Variants in CDC42BPA observed in about 807,000 individuals in gnomAD.
The protein encoded by CDC42BPA is CDC42 binding protein kinase alpha, also known as serine/threonine-protein kinase MRCK alpha.
A neutral mutation model predicts 223.5 loss-of-function variants in CDC42BPA; 80 were observed. That is an observed-to-expected ratio of 0.36 (90% confidence interval 0.30 to 0.43). CDC42BPA has a LOEUF of 0.43. Among genes scored for constraint, CDC42BPA ranks in the 20% least tolerant of loss-of-function variants. The pLI, the probability that CDC42BPA is intolerant of heterozygous loss-of-function variation, is 1.00. For missense variants in CDC42BPA, 1,743 were observed against 2,099.9 expected, an observed-to-expected ratio of 0.83 and a Z score of 3.32; for synonymous variants, 694 against 718.6, an observed-to-expected ratio of 0.97 and a Z score of 0.55.
intron 1 of CDC42BPA, among the ~76,000 whole-genome samples, chr1:227,305,002 T>C (rs1055376908): frequency 6.6e-6 from 1 of 152,182 alleles, no homozygotes; most frequent in Non-Finnish European, 1.5e-5. Context: ...CACACATACA[T>C]ACATAATAAG....
rs539393942 is a variant in CDC42BPA at position 227,014,569 on chromosome 1, C to T, written c.4857+1511G>A. On this transcript the variant is annotated intron_variant, in intron 34 of 36. Coordinates refer to ENST00000366766, the MANE Select transcript of CDC42BPA (RefSeq NM_001394014.1). ...TAAATGCAAACCTCCCTTTAAAAGG[C>T]GTTTTTTTTAATTTAAAGAAACTTG... is the stretch of plus-strand genomic sequence containing the variant. Among the ~76,000 whole-genome samples, 222 of 120,832 alleles carry T rather than the reference C, an allele frequency of 1.8e-3. 1 individual carries two copies. Among genetic ancestry groups the T allele is most frequent in the African/African-American group, 6.6e-3 (212 of 32,222 alleles). 79.3% of individuals were successfully genotyped at this position (120,832 alleles called of 152,430 possible).
intron 14 of CDC42BPA, among the ~76,000 whole-genome samples, chr1:227,103,541 C>T (rs539383309): frequency 2.0e-5 from 3 of 152,146 alleles, no homozygotes; most frequent in East Asian, 3.9e-4. Context: ...CATGTTTCTA[C>T]TCCGTGGATA....
chr1:227,210,027 A>G (rs1429535808), intron 3 of CDC42BPA, among the ~76,000 whole-genome samples: 2 of 151,588 alleles, frequency 1.3e-5, no homozygotes, highest in African/African-American at 4.9e-5. Flanking sequence ...TATTGCCACA[A>G]TTTCAGCTCC....
Position 227,001,586 on chromosome 1 carries a change from G to C in CDC42BPA, c.4975+3408C>G, listed in dbSNP as rs72762383. Among the ~76,000 whole-genome samples, 402 of 152,278 alleles carry C rather than the reference G, an allele frequency of 2.6e-3. 1 individual carries two copies. The highest frequency in any genetic ancestry group is 6.1e-3 in the Admixed American group (93 of 15,298). Reference sequence around the variant, plus strand: ...AAACCAAAAGTTTTTTCACAAGCTTGATGCAAATTCATGTGATGACAAAAC... The same window carrying C: ...AAACCAAAAGTTTTTTCACAAGCTTCATGCAAATTCATGTGATGACAAAAC... On this transcript the variant is annotated intron_variant, in intron 35 of 36. Coordinates refer to ENST00000366766, the MANE Select transcript of CDC42BPA (RefSeq NM_001394014.1).
At chr1:227,175,179 C>G (rs528867550) in intron 5 of CDC42BPA, among the ~76,000 whole-genome samples, 1 of 152,102 alleles carries the variant, frequency 6.6e-6, no homozygotes, top group South Asian at 2.1e-4. Context: ...ACTGATATAA[C>G]CCCTTTTGGA....
chr1:227,160,232 C>G (rs1183198813), intron 6 of CDC42BPA, among the ~76,000 whole-genome samples: 1 of 152,158 alleles, frequency 6.6e-6, no homozygotes, highest in Non-Finnish European at 1.5e-5. Context: ...TCTTTTACCC[C>G]CGGTGAACTT....
intron 6 of CDC42BPA, among the ~76,000 whole-genome samples, chr1:227,152,922 G>C (rs1278132410): frequency 1.3e-5 from 2 of 152,008 alleles, no homozygotes; most frequent in Non-Finnish European, 2.9e-5. Context: ...GGTAGCTACA[G>C]TAATATCAAT....
chr1:227,008,867 CT>C (rs71179186), intron 34 of CDC42BPA, among the ~76,000 whole-genome samples: 30,929 of 151,100 alleles, frequency 0.2, 3,661 homozygotes, highest in Non-Finnish European at 0.26. Flanking sequence ...AAAGCAAATG[CT>C]TTTTTTTTCT....
intron 10 of CDC42BPA, among the ~76,000 whole-genome samples, chr1:227,132,472 G>C (rs60895839): frequency 7.3e-6 from 1 of 137,326 alleles, no homozygotes; most frequent in African/African-American, 2.8e-5. Context: ...GCGTGATCTC[G>C]GCTCGCTACA....
chr1:227,042,990 T>A (rs1671699183), intron 23 of CDC42BPA, among the ~76,000 whole-genome samples: 1 of 152,180 alleles, frequency 6.6e-6, no homozygotes, highest in Non-Finnish European at 1.5e-5. Context: ...TAGAACCAAG[T>A]ACAACTCTTG....
At chr1:227,264,539 C>T (rs1684650176) in intron 1 of CDC42BPA, among the ~76,000 whole-genome samples, 1 of 147,270 alleles carries the variant, frequency 6.8e-6, no homozygotes, top group African/African-American at 2.7e-5. Context: ...ATGAAACATA[C>T]ATTTTAGGAG....
intron 16 of CDC42BPA, among the ~76,000 whole-genome samples, chr1:227,086,089 C>T (rs1244894851): frequency 6.6e-6 from 1 of 151,634 alleles, no homozygotes; most frequent in Non-Finnish European, 1.5e-5. Flanking sequence ...ACAGAATATG[C>T]AGTCTTTTGT....
At chr1:227,112,280 T>C in intron 14 of CDC42BPA, 32 bp downstream of exon 14, 2 of 1,298,254 alleles carry the variant, frequency 1.5e-6, no homozygotes, top group Non-Finnish European at 2.2e-6. Context: ...AGAAAATCAA[T>C]TAAGCTTCAT....
intron 6 of CDC42BPA, among the ~76,000 whole-genome samples, chr1:227,150,222 C>A (rs1456811034): frequency 6.5e-4 from 32 of 49,612 alleles, no homozygotes; most frequent in African/African-American, 2.9e-3. Context: ...GAAACCCTGT[C>A]TCAAAAAAAA....
At chr1:227,247,514 G>A (rs2148193439) in intron 2 of CDC42BPA, among the ~76,000 whole-genome samples, 1 of 151,940 alleles carries the variant, frequency 6.6e-6, no homozygotes, top group Admixed American at 6.6e-5. Flanking sequence ...TAGCTACTTT[G>A]AGGAAACTCA....
chr1:227,269,348 T>C (rs541889268), intron 1 of CDC42BPA, among the ~76,000 whole-genome samples: 8 of 152,312 alleles, frequency 5.3e-5, no homozygotes, highest in South Asian at 2.1e-4. Context: ...CTTTAATCCA[T>C]AGCTCACACG....
intron 15 of CDC42BPA, among the ~76,000 whole-genome samples, chr1:227,093,563 A>T (rs1489976696): frequency 6.6e-6 from 1 of 152,182 alleles, no homozygotes; most frequent in Non-Finnish European, 1.5e-5. Flanking sequence ...TAACCCAACA[A>T]TGCCATATTC....
At chr1:227,191,780 G>A (rs1000637291) in intron 5 of CDC42BPA, among the ~76,000 whole-genome samples, 1 of 151,878 alleles carries the variant, frequency 6.6e-6, no homozygotes, top group East Asian at 1.9e-4. Context: ...TAGCACTTTC[G>A]TTTCTCATTC....
At chr1:227,197,873 G>A (rs990288042) in intron 4 of CDC42BPA, among the ~76,000 whole-genome samples, 4 of 152,050 alleles carry the variant, frequency 2.6e-5, no homozygotes, top group Non-Finnish European at 4.4e-5. Flanking sequence ...ACAAACCCAT[G>A]CAGATTATCT....
Sources: gnomAD v4.1 joint callset for allele counts (sites outside exome capture counted in the v4.1 genomes callset) on GRCh38, gnomAD v4.1.1 for gene constraint, MANE v1.5 for transcripts, NCBI Gene and HGNC (gene_info 2026-07-23, HGNC 2026-07-21) for gene names.